The following C6orf52 variants were observed in gnomAD, a reference collection of about 807,000 sequenced individuals.
The protein encoded by C6orf52 is putative uncharacterized protein C6orf52.
Under a neutral mutation model 16.6 loss-of-function variants are expected in C6orf52, and 16 were observed. That is an observed-to-expected ratio of 0.96 (90% CI 0.65 to 1.46). C6orf52 has a LOEUF of 1.46. C6orf52 is among the 40% of genes most tolerant of loss of function. The pLI is 0.00. For missense variants in C6orf52, 166 were observed against 182.3 expected, an observed-to-expected ratio of 0.91 and a Z score of 0.52; for synonymous variants, 53 against 61.4, an observed-to-expected ratio of 0.86 and a Z score of 0.64.
intron 4 of C6orf52, among the ~76,000 whole-genome samples, chr6:10,681,756 T>C (rs1768422792): frequency 6.6e-6 from 1 of 152,186 alleles, no homozygotes. Context: ...GCAATCTGTA[T>C]CCAAAAAGCA....
chr6:10,671,638 T>C (rs1247363377), intron 4 of C6orf52, 40 bp from the exon 5 acceptor site: 1 of 1,364,598 alleles, frequency 7.3e-7, no homozygotes, highest in African/African-American at 1.5e-5. Context: ...AATAGAGTTT[T>C]ACAGGACACA....
At chr6:10,688,210 T>TAA (rs544066476) in intron 1 of C6orf52, among the ~76,000 whole-genome samples, 7 of 151,056 alleles carry the variant, frequency 4.6e-5, no homozygotes, top group African/African-American at 1.7e-4. Flanking sequence ...TTTTTTTTTT[T>TAA]AAAAAAAGCA....
At chr6:10,684,132 T>C (rs1327032237) in intron 3 of C6orf52, among the ~76,000 whole-genome samples, 2 of 152,190 alleles carry the variant, frequency 1.3e-5, no homozygotes, top group Non-Finnish European at 2.9e-5. Context: ...AGACAATCTG[T>C]CTTTTTTCTA....
At chr6:10,692,422 A>C (rs919002907) in intron 1 of C6orf52, among the ~76,000 whole-genome samples, 8 of 152,322 alleles carry the variant, frequency 5.3e-5, no homozygotes, top group Admixed American at 6.5e-5. Context: ...AACACAATGA[A>C]GATAACTAGC....
Position 10,675,647 on chromosome 6 carries a change from T to C in C6orf52, c.317-4049A>G, listed in dbSNP as rs1767809582. 2.6e-5 allele frequency among the ~76,000 whole-genome samples: 4 copies of C among 152,242 alleles called. No individual in the cohort carries two copies. In the South Asian group the frequency reaches 8.3e-4, roughly 31 times the overall value. Reference sequence around the variant, plus strand: ...TACCAATTTACATTCCCACCAACAGTATGCAAGGGCTCTTTTCTTCACATC... The same window carrying C: ...TACCAATTTACATTCCCACCAACAGCATGCAAGGGCTCTTTTCTTCACATC... On this transcript the variant is annotated intron_variant, in intron 4 of 4. Transcript: ENST00000259983.
At chr6:10,677,599 T>G (rs1344558813) in intron 4 of C6orf52, among the ~76,000 whole-genome samples, 10 of 151,716 alleles carry the variant, frequency 6.6e-5, no homozygotes, top group Admixed American at 6.6e-4. Context: ...TGGCGCCACC[T>G]TGGCTCACTC....
Position 10,694,608 on chromosome 6 carries a change from C to A in C6orf52, c.-126G>T, listed in dbSNP as rs1371497595. 10 of 178,116 alleles carry A rather than the reference C, an allele frequency of 5.6e-5. No homozygotes were observed. Among genetic ancestry groups the A allele is most frequent in the South Asian group, 1.1e-4 (1 of 9,284 alleles). 11.0% of individuals were successfully genotyped at this position (178,116 alleles called of 1,614,324 possible). ...GGCGCTACAGCCCCTAAGCAACCGG[C>A]CGGAAGTCGGCCCCACCTCCTCCTG... On this transcript the variant is annotated 5_prime_UTR_variant, in exon 1 of 5. Coordinates refer to ENST00000259983, the MANE Select transcript of C6orf52 (RefSeq NM_001145020.3).
intron 4 of C6orf52, 23 bp downstream of exon 4, chr6:10,683,164 C>CT: frequency 6.6e-7 from 1 of 1,513,742 alleles, no homozygotes; most frequent in South Asian, 1.3e-5. Flanking sequence ...TTTCCAACCA[C>CT]TTCAGCACAA....
At chr6:10,685,570 T>G (rs1413764702) in intron 3 of C6orf52, among the ~76,000 whole-genome samples, 1 of 152,178 alleles carries the variant, frequency 6.6e-6, no homozygotes, top group African/African-American at 2.4e-5. Context: ...ACTCTGCATA[T>G]TAGGAGACAA....
At chr6:10,674,932 C>T (rs990277118) in intron 4 of C6orf52, among the ~76,000 whole-genome samples, 3 of 151,846 alleles carry the variant, frequency 2.0e-5, no homozygotes, top group Non-Finnish European at 4.4e-5. Flanking sequence ...GCCTCAGCCT[C>T]CCAAGTAGCT....
At chr6:10,676,139 AAAC>A (rs555769593) in intron 4 of C6orf52, among the ~76,000 whole-genome samples, 6 of 152,176 alleles carry the variant, frequency 3.9e-5, no homozygotes, top group East Asian at 3.8e-4. Flanking sequence ...CAAAAAAACA[AAAC>A]AAAACAAAAC....
chr6:10,674,013 C>CA (rs1334909930), intron 4 of C6orf52, among the ~76,000 whole-genome samples: 1 of 152,098 alleles, frequency 6.6e-6, no homozygotes, highest in African/African-American at 2.4e-5. Context: ...TCGTAAACAA[C>CA]ACACAGTTAT....
At chr6:10,694,260 CAAAA>C (rs57435593) in intron 1 of C6orf52, among the ~76,000 whole-genome samples, 4 of 62,462 alleles carry the variant, frequency 6.4e-5, no homozygotes, top group East Asian at 4.2e-4. Flanking sequence ...AACTCCGTCT[CAAAA>C]AAAAAAAAAA....
intron 3 of C6orf52, among the ~76,000 whole-genome samples, chr6:10,686,578 ATAGTGT>A (rs1768883965): frequency 6.6e-6 from 1 of 151,432 alleles, no homozygotes; most frequent in Non-Finnish European, 1.5e-5. Context: ...TTTGTCCTAT[ATAGTGT>A]TAAAGAGTAA....
At chr6:10,684,465 T>A (rs1194828171) in intron 3 of C6orf52, among the ~76,000 whole-genome samples, 1 of 152,120 alleles carries the variant, frequency 6.6e-6, no homozygotes, top group African/African-American at 2.4e-5. Flanking sequence ...ATAACCAGGA[T>A]GAGGGAAGCA....
At chr6:10,694,813 C>A, upstream of C6orf52, 3 of 564,352 alleles carry the variant, frequency 5.3e-6, no homozygotes, top group Non-Finnish European at 9.4e-6. Flanking sequence ...GACCTCCCCG[C>A]GCTTAAAGTG....
chr6:10,686,986 C>T lies in C6orf52; in HGVS notation c.250G>A (p.Gly84Arg). 6.5e-7 allele frequency: 1 copy of T among 1,549,476 alleles called. No homozygotes were observed. The change falls in exon 3 of 5, where the codon GGA becomes AGA. Residue 84 changes from glycine (G) to arginine (R), a missense_variant. Transcript: ENST00000259983. Reference sequence around the variant, plus strand: ...GATACCTTAGGCATAACCAGAGTTCCAGCTGTGTGTTCAGGGGTCTCATGC... The same window carrying T: ...GATACCTTAGGCATAACCAGAGTTCTAGCTGTGTGTTCAGGGGTCTCATGC... ...SAHETPEHTAGTLVMPKETTP... is the reference protein window; with the variant it reads ...SAHETPEHTARTLVMPKETTP...
chr6:10,690,230 G>A (rs1191295552), intron 1 of C6orf52, among the ~76,000 whole-genome samples: 1 of 152,164 alleles, frequency 6.6e-6, no homozygotes, highest in Non-Finnish European at 1.5e-5. Flanking sequence ...AGATGACAGT[G>A]ACAAGGGCTC....
At chr6:10,680,379 A>G (rs1768272734) in intron 4 of C6orf52, among the ~76,000 whole-genome samples, 2 of 152,202 alleles carry the variant, frequency 1.3e-5, no homozygotes, top group Non-Finnish European at 2.9e-5. Context: ...CCACTTGTTC[A>G]TGACAGATGA....
Sources: gnomAD v4.1 joint callset for allele counts (sites outside exome capture counted in the v4.1 genomes callset) on GRCh38, gnomAD v4.1.1 for gene constraint, MANE v1.5 for transcripts, NCBI Gene and HGNC (gene_info 2026-07-23, HGNC 2026-07-21) for gene names.